The following SHANK2 variants were observed in gnomAD, a reference collection of about 807,000 sequenced individuals.
SHANK2 encodes the protein SH3 and multiple ankyrin repeat domains 2.
In SHANK2, 43 loss-of-function variants were observed where a neutral mutation model predicts 133.7. The ratio of observed to expected loss-of-function variants is 0.32; its 90% CI spans 0.25 to 0.41. The LOEUF is 0.41. Ranked by LOEUF, SHANK2 falls within the 10% of genes least tolerant of loss-of-function variation. The pLI is 1.00. For missense variants in SHANK2, 1,994 were observed against 2,235.8 expected (o/e 0.89, Z 2.18); for synonymous variants, 1,017 against 952.8 (o/e 1.07, Z -1.24).
chr11:70,868,689 C>T (rs1235488478), intron 11 of SHANK2, among the ~76,000 whole-genome samples: 1 of 152,264 alleles, frequency 6.6e-6, no homozygotes, highest in Non-Finnish European at 1.5e-5. Flanking sequence ...CCCACCCACA[C>T]AGGGAGCACA....
At chr11:70,833,810 T>A (rs1232253277) in intron 11 of SHANK2, among the ~76,000 whole-genome samples, 1 of 152,222 alleles carries the variant, frequency 6.6e-6, no homozygotes, top group Non-Finnish European at 1.5e-5. Flanking sequence ...CTGACAGGCA[T>A]TCTCAGTCTC....
intron 12 of SHANK2, among the ~76,000 whole-genome samples, chr11:70,811,857 C>T (rs1555053285): frequency 6.6e-6 from 1 of 152,212 alleles, no homozygotes; most frequent in Non-Finnish European, 1.5e-5. Context: ...CCCATCCACC[C>T]ATCCATCTTA....
chr11:70,824,235 T>C (rs1284974480), intron 11 of SHANK2, among the ~76,000 whole-genome samples: 1 of 151,972 alleles, frequency 6.6e-6, no homozygotes, highest in Admixed American at 6.6e-5. Context: ...GAGCCAAGCC[T>C]GGGGAGCCGC....
At chr11:70,630,436 G>A (rs950051729) in intron 17 of SHANK2, among the ~76,000 whole-genome samples, 1 of 152,224 alleles carries the variant, frequency 6.6e-6, no homozygotes, top group African/African-American at 2.4e-5. Flanking sequence ...TGGAAATTGT[G>A]TGTGATTTCA....
At chr11:71,118,109 G>A (rs147036050) in intron 4 of SHANK2, among the ~76,000 whole-genome samples, 164 of 152,228 alleles carry the variant, frequency 1.1e-3, no homozygotes, top group African/African-American at 3.9e-3. Context: ...CCTCAGAGAA[G>A]CATGGGGAGC....
chr11:70,533,738 A>AG (rs1205474857), intron 17 of SHANK2, among the ~76,000 whole-genome samples: 2 of 152,056 alleles, frequency 1.3e-5, no homozygotes, highest in African/African-American at 2.4e-5. Flanking sequence ...CACCACCTCT[A>AG]GTTCATCCCC....
chr11:70,761,941 G>T (rs1329633706), intron 14 of SHANK2, among the ~76,000 whole-genome samples: 8 of 149,592 alleles, frequency 5.3e-5, no homozygotes, highest in Admixed American at 5.3e-4. Context: ...GCTGCTGCTG[G>T]TCTGGGGCAT....
At chr11:70,509,443 AGG>A (rs36083046) in intron 17 of SHANK2, among the ~76,000 whole-genome samples, 1 of 151,946 alleles carries the variant, frequency 6.6e-6, no homozygotes, top group Non-Finnish European at 1.5e-5. Context: ...TATCCCATTG[AGG>A]GGGGGCTCCC....
chr11:71,191,405 A>G (rs140177063), intron 2 of SHANK2, among the ~76,000 whole-genome samples: 7 of 152,150 alleles, frequency 4.6e-5, no homozygotes, highest in Admixed American at 1.3e-4. Flanking sequence ...GAGTCCGCAC[A>G]GGGCTGGGTC....
At chr11:70,504,159 C>T (rs1473555297) in intron 17 of SHANK2, among the ~76,000 whole-genome samples, 1 of 152,236 alleles carries the variant, frequency 6.6e-6, no homozygotes, top group Non-Finnish European at 1.5e-5. Context: ...TCATGCCCCT[C>T]ACCAGCCACA....
At position 70,940,313 on chromosome 11, in the gene SHANK2, C is replaced by A. The variant is rs1555084195; in HGVS notation, c.1108-43746G>T. 2.1e-5 allele frequency among the ~76,000 whole-genome samples: 3 copies of A among 142,492 alleles called. No homozygotes were observed. In the Admixed American group the frequency reaches 2.1e-4, roughly 10 times the overall value. 93.5% of individuals were successfully genotyped at this position (142,492 alleles called of 152,430 possible). A position where few individuals can be genotyped will look rare whatever the true frequency, so the allele number is the denominator to read the frequency against. On this transcript the variant is annotated intron_variant, in intron 10 of 25. Coordinates refer to ENST00000601538, the MANE Select transcript of SHANK2 (RefSeq NM_012309.5). ...CCAGGCTGGAGTGCAGTGGCGCGATCTCGGCTTACTGCAACCTCTGCCTCC... is the reference window on the plus strand; with the variant it reads ...CCAGGCTGGAGTGCAGTGGCGCGATATCGGCTTACTGCAACCTCTGCCTCC...
intron 2 of SHANK2, among the ~76,000 whole-genome samples, chr11:71,203,760 C>G (rs896808970): frequency 6.6e-6 from 1 of 152,156 alleles, no homozygotes; most frequent in Non-Finnish European, 1.5e-5. Context: ...AGTGGGGACC[C>G]CAGGCCACAT....
chr11:71,093,193 A>G (rs1555094539), intron 7 of SHANK2, among the ~76,000 whole-genome samples: 1 of 152,108 alleles, frequency 6.6e-6, no homozygotes, highest in Admixed American at 6.6e-5. Flanking sequence ...CCTGGTCAAC[A>G]TTTTGTGCCA....
At chr11:71,126,523 G>A (rs1392807699) in intron 3 of SHANK2, among the ~76,000 whole-genome samples, 4 of 152,134 alleles carry the variant, frequency 2.6e-5, no homozygotes, top group African/African-American at 9.7e-5. Context: ...CGACATTCAA[G>A]TCTTATTATT....
At chr11:71,078,458 G>T (rs1951249134) in intron 8 of SHANK2, among the ~76,000 whole-genome samples, 1 of 152,200 alleles carries the variant, frequency 6.6e-6, no homozygotes, top group South Asian at 2.1e-4. Context: ...AAGGCCAATG[G>T]ATGCCAAAAC....
At chr11:70,770,911 C>A (rs1555042598) in intron 14 of SHANK2, among the ~76,000 whole-genome samples, 1 of 133,780 alleles carries the variant, frequency 7.5e-6, no homozygotes, top group Non-Finnish European at 1.6e-5. Flanking sequence ...CTCCCTCTTA[C>A]TTCCTTTTTT....
intron 22 of SHANK2, among the ~76,000 whole-genome samples, chr11:70,491,933 G>C (rs1555155895): frequency 6.6e-6 from 1 of 152,208 alleles, no homozygotes; most frequent in Admixed American, 6.5e-5. Flanking sequence ...AGAGTGTGGG[G>C]GACTGCCACA....
chr11:70,619,975 G>A lies in SHANK2; in HGVS notation c.2061+39853C>T, dbSNP rs114014454. Among the ~76,000 whole-genome samples, 770 of 152,294 alleles carry A rather than the reference G, an allele frequency of 5.1e-3. 7 individuals are homozygous for A. The highest frequency in any genetic ancestry group is 0.017 in the African/African-American group (710 of 41,568). On this transcript the variant is annotated intron_variant, in intron 17 of 25. Transcript: ENST00000601538. ...TTTTAAAAGAGCCACAAAGTACCCC[G>A]GAACTTAGAAGGACACTTGAGGACC... is the stretch of plus-strand genomic sequence containing the variant.
intron 17 of SHANK2, among the ~76,000 whole-genome samples, chr11:70,597,470 G>A (rs1012424103): frequency 6.6e-6 from 1 of 151,396 alleles, no homozygotes; most frequent in Non-Finnish European, 1.5e-5. Flanking sequence ...AGATAAGAGG[G>A]TAGAGAGGAT....
Sources: gnomAD v4.1 joint callset for allele counts (sites outside exome capture counted in the v4.1 genomes callset) on GRCh38, gnomAD v4.1.1 for gene constraint, MANE v1.5 for transcripts, NCBI Gene and HGNC (gene_info 2026-07-23, HGNC 2026-07-21) for gene names.